PTPRD: variants seen among roughly 807,000 people sequenced by gnomAD.
PTPRD encodes protein tyrosine phosphatase receptor type D, also known as receptor-type tyrosine-protein phosphatase delta.
A neutral mutation model predicts 214.5 loss-of-function variants in PTPRD; 34 were observed. The observed-to-expected ratio is 0.16, with a 90% CI of 0.12 to 0.21. PTPRD has a LOEUF of 0.21. PTPRD is among the 10% of genes least tolerant of loss of function. The probability of loss-of-function intolerance (pLI) is 1.00; values close to 1 mark genes in which losing one functional copy is unlikely to be tolerated. For missense variants in PTPRD, 2,545 were observed against 2,398.7 expected (o/e 1.06, Z -1.27); for synonymous variants, 1,128 against 845.7 (o/e 1.33, Z -5.79).
intron 14 of PTPRD, among the ~76,000 whole-genome samples, chr9:8,571,730 G>A (rs1222812347): frequency 6.6e-6 from 1 of 152,084 alleles, no homozygotes; most frequent in East Asian, 1.9e-4. Flanking sequence ...TAAGGGGAAT[G>A]CATAGTAACA....
intron 8 of PTPRD, among the ~76,000 whole-genome samples, chr9:9,542,186 G>A (rs73407040): frequency 0.022 from 3,273 of 151,746 alleles, 109 homozygotes; most frequent in African/African-American, 0.072. Context: ...AAAGATTATC[G>A]CAACAAACCC....
intron 5 of PTPRD, among the ~76,000 whole-genome samples, chr9:9,922,392 T>G (rs2082803023): frequency 6.6e-6 from 1 of 152,094 alleles, no homozygotes; most frequent in Admixed American, 6.6e-5. Context: ...AAGGGACCTG[T>G]AACCTTCTTT....
chr9:8,758,808 A>AG (rs1444739798), intron 11 of PTPRD, among the ~76,000 whole-genome samples: 1 of 151,140 alleles, frequency 6.6e-6, no homozygotes, highest in Non-Finnish European at 1.5e-5. Context: ...CCCAGGCTAG[A>AG]GTGCAATGGC....
Position 8,931,399 on chromosome 9 carries a change from G to T in PTPRD, c.-104+87298C>A, listed in dbSNP as rs186278665. 5.9e-3 allele frequency among the ~76,000 whole-genome samples: 895 copies of T among 152,210 alleles called. 11 individuals are homozygous for T. The highest frequency in any genetic ancestry group is 0.02 in the African/African-American group (844 of 41,524). Reference sequence around the variant, plus strand: ...ATAGTTTGAAGTCAGGTAGCGGGATGCCTCCAGCTTTGTTCTTTTGGCTTA... The same window carrying T: ...ATAGTTTGAAGTCAGGTAGCGGGATTCCTCCAGCTTTGTTCTTTTGGCTTA... On this transcript the variant is annotated intron_variant, in intron 11 of 45. Transcript: ENST00000381196.
chr9:8,592,977 G>A (rs2094224444), intron 14 of PTPRD, among the ~76,000 whole-genome samples: 1 of 152,120 alleles, frequency 6.6e-6, no homozygotes, highest in South Asian at 2.1e-4. Flanking sequence ...CATAAATAAG[G>A]GCAGTACATT....
intron 8 of PTPRD, among the ~76,000 whole-genome samples, chr9:9,516,479 TA>T (rs1476342447): frequency 6.6e-6 from 1 of 151,276 alleles, no homozygotes; most frequent in African/African-American, 2.4e-5. Context: ...TATAAAACCA[TA>T]AACTTGTTTC....
intron 2 of PTPRD, among the ~76,000 whole-genome samples, chr9:10,463,281 G>A (rs2098971524): frequency 6.6e-6 from 1 of 152,032 alleles, no homozygotes; most frequent in South Asian, 2.1e-4. Flanking sequence ...AAGTGATTGG[G>A]AGAACTATAT....
At chr9:9,854,983 G>C (rs771086179) in intron 5 of PTPRD, among the ~76,000 whole-genome samples, 10 of 151,998 alleles carry the variant, frequency 6.6e-5, no homozygotes, top group Non-Finnish European at 1.3e-4. Flanking sequence ...ACATTATTTT[G>C]TCAAATGGCC....
At chr9:9,054,828 G>C (rs1041001431) in intron 10 of PTPRD, among the ~76,000 whole-genome samples, 6 of 152,138 alleles carry the variant, frequency 3.9e-5, no homozygotes, top group African/African-American at 1.4e-4. Context: ...GAAAACAAAT[G>C]ATTTCAAAAT....
At chr9:9,288,257 A>G (rs920374481) in intron 9 of PTPRD, among the ~76,000 whole-genome samples, 3 of 152,006 alleles carry the variant, frequency 2.0e-5, no homozygotes, top group East Asian at 2.0e-4. Context: ...ACACTTGAAC[A>G]TATTTATTCA....
chr9:9,885,974 C>T (rs2070736631), intron 5 of PTPRD, among the ~76,000 whole-genome samples: 1 of 148,720 alleles, frequency 6.7e-6, no homozygotes, highest in East Asian at 1.9e-4. Context: ...CCTTACAAAA[C>T]CCCACATATT....
Position 8,737,523 on chromosome 9 carries a change from G to GA in PTPRD, c.-103-3578dup, listed in dbSNP as rs368802733. 4.7e-3 allele frequency among the ~76,000 whole-genome samples: 671 copies of GA among 144,202 alleles called. 5 individuals are homozygous for GA. The highest frequency in any genetic ancestry group is 0.013 in the African/African-American group (504 of 39,524). The allele number at this position is 144,202 out of a possible 152,430, so 94.6% of individuals were successfully genotyped here. ...TATAGTAAGGCTTGCTAAGTACTCT[G>GA]AAAAAAAAAAAGAGCAAGGAGGTTC... On this transcript the variant is annotated intron_variant, in intron 11 of 45. Coordinates refer to ENST00000381196, the MANE Select transcript of PTPRD (RefSeq NM_002839.4).
chr9:8,934,445 AT>A (rs1567097887), intron 11 of PTPRD, among the ~76,000 whole-genome samples: 9,699 of 46,744 alleles, frequency 0.21, 1,383 homozygotes, highest in Non-Finnish European at 0.27. Context: ...AAATATATAT[AT>A]AAATTTATAT....
At chr9:10,503,203 A>C (rs956144246) in intron 2 of PTPRD, among the ~76,000 whole-genome samples, 86 of 133,914 alleles carry the variant, frequency 6.4e-4, no homozygotes, top group African/African-American at 2.7e-3. Flanking sequence ...CAAAAAAAAA[A>C]AAAACAAAAA....
Position 8,697,408 on chromosome 9 carries a change from T to G in PTPRD, c.64+36372A>C, listed in dbSNP as rs1251714062. ...TTGGGATTTTTTATTATTTATTTAT[T>G]TTTATGTACTTTTTTTTTTTTTTTT... On this transcript the variant is annotated intron_variant, in intron 12 of 45. Transcript: ENST00000381196. Among the ~76,000 whole-genome samples the G allele has an allele frequency of 4.0e-5, 6 of 148,608 alleles. No individual in the cohort carries two copies. In the East Asian group the frequency reaches 1.2e-3, roughly 29 times the overall value.
At chr9:8,883,450 G>T (rs1053588596) in intron 11 of PTPRD, among the ~76,000 whole-genome samples, 4 of 152,178 alleles carry the variant, frequency 2.6e-5, no homozygotes, top group Non-Finnish European at 4.4e-5. Flanking sequence ...GACTTAATCA[G>T]TCAGGACCAT....
chr9:10,046,750 AG>A (rs2097405157), intron 3 of PTPRD, among the ~76,000 whole-genome samples: 2 of 151,964 alleles, frequency 1.3e-5, no homozygotes, highest in African/African-American at 4.8e-5. Flanking sequence ...CAATTAATAA[AG>A]ATTCACAAGT....
intron 6 of PTPRD, among the ~76,000 whole-genome samples, chr9:9,740,966 C>T (rs1448444141): frequency 6.6e-6 from 1 of 151,970 alleles, no homozygotes; most frequent in Non-Finnish European, 1.5e-5. Flanking sequence ...ATAGATATAA[C>T]CCAACATTGG....
chr9:8,440,463 C>T (rs118001945), intron 34 of PTPRD, among the ~76,000 whole-genome samples: 3,795 of 152,084 alleles, frequency 0.025, 69 homozygotes, highest in Non-Finnish European at 0.035. Flanking sequence ...TACAGGGACG[C>T]GCCACCACAC....
Sources: allele counts gnomAD v4.1 joint callset (sites outside exome capture counted in the v4.1 genomes callset), GRCh38; gene constraint gnomAD v4.1.1; transcripts MANE v1.5; gene names NCBI Gene and HGNC (gene_info 2026-07-23, HGNC 2026-07-21).